CDH18: variants seen among roughly 807,000 people sequenced by gnomAD.
The protein encoded by CDH18 is cadherin 18.
In CDH18, 31 loss-of-function variants were observed where a neutral mutation model predicts 67.9. That is an observed-to-expected ratio of 0.46 (90% CI 0.34 to 0.62). The LOEUF (loss-of-function observed/expected upper bound fraction) is 0.62, where lower values mean the gene tolerates loss of function less well. CDH18 is among the 20% of genes least tolerant of loss of function. The pLI is 0.01. For missense variants in CDH18, 890 were observed against 975.5 expected (o/e 0.91, Z 1.17); for synonymous variants, 362 against 347.2 (o/e 1.04, Z -0.48).
chr5:19,913,567 G>GGTAT (rs1791399777), intron 2 of CDH18, among the ~76,000 whole-genome samples: 1 of 152,040 alleles, frequency 6.6e-6, no homozygotes, highest in South Asian at 2.1e-4. Context: ...TCAGAGAGTA[G>GGTAT]GTATGTGTTC....
chr5:20,017,418 G>A (rs1280440703), intron 2 of CDH18, among the ~76,000 whole-genome samples: 2 of 152,064 alleles, frequency 1.3e-5, no homozygotes, highest in Non-Finnish European at 2.9e-5. Context: ...CTGTCTATAT[G>A]AGTAGTATTG....
intron 11 of CDH18, among the ~76,000 whole-genome samples, chr5:19,493,061 T>C (rs1363901942): frequency 6.6e-6 from 1 of 152,176 alleles, no homozygotes; most frequent in Admixed American, 6.5e-5. Flanking sequence ...CTCTATGTTG[T>C]TTTAATCTAC....
At chr5:19,506,059 G>A (rs1744101800) in intron 10 of CDH18, among the ~76,000 whole-genome samples, 1 of 151,982 alleles carries the variant, frequency 6.6e-6, no homozygotes, top group Non-Finnish European at 1.5e-5. Context: ...GGGTGTATGT[G>A]TCAAGGAATT....
chr5:19,724,221 G>A (rs1766506260), intron 4 of CDH18, among the ~76,000 whole-genome samples: 1 of 152,082 alleles, frequency 6.6e-6, no homozygotes, highest in South Asian at 2.1e-4. Context: ...CAACTTGTAT[G>A]AATCTTCAGG....
At chr5:19,788,032 A>T (rs1311203312) in intron 3 of CDH18, among the ~76,000 whole-genome samples, 2 of 151,870 alleles carry the variant, frequency 1.3e-5, no homozygotes, top group Admixed American at 6.6e-5. Context: ...ACTTTGTTGG[A>T]TCTATAAAAA....
chr5:19,783,988 TTTTC>T (rs1775418603), intron 3 of CDH18, among the ~76,000 whole-genome samples: 1 of 152,168 alleles, frequency 6.6e-6, no homozygotes, highest in African/African-American at 2.4e-5. Context: ...GTAGATATTA[TTTTC>T]TTCATTTTAT....
At chr5:19,914,971 C>T (rs374962166) in intron 2 of CDH18, among the ~76,000 whole-genome samples, 2 of 151,952 alleles carry the variant, frequency 1.3e-5, no homozygotes, top group Non-Finnish European at 2.9e-5. Flanking sequence ...ATTTCCTCCC[C>T]GAAGGAAAGA....
intron 2 of CDH18, among the ~76,000 whole-genome samples, chr5:20,162,787 A>G (rs549387280): frequency 1.5e-4 from 23 of 152,076 alleles, no homozygotes; most frequent in African/African-American, 5.5e-4. Flanking sequence ...GGCTGGGCAC[A>G]GTGGCTCACA....
intron 1 of CDH18, among the ~76,000 whole-genome samples, chr5:20,557,324 G>A (rs1757959077): frequency 6.6e-6 from 1 of 151,860 alleles, no homozygotes; most frequent in Non-Finnish European, 1.5e-5. Flanking sequence ...AAATATGAAT[G>A]CAAATTTATA....
chr5:20,368,927 A>T (rs1457157433), intron 1 of CDH18, among the ~76,000 whole-genome samples: 3 of 152,190 alleles, frequency 2.0e-5, no homozygotes, highest in Non-Finnish European at 2.9e-5. Context: ...TGACTCTTTG[A>T]ATTTTCAGAA....
intron 1 of CDH18, among the ~76,000 whole-genome samples, chr5:20,561,957 TA>T (rs1758241811): frequency 6.6e-6 from 1 of 151,926 alleles, no homozygotes; most frequent in Non-Finnish European, 1.5e-5. Flanking sequence ...TATATGGTAT[TA>T]TGCTAAGAGC....
chr5:19,591,751 T>A (rs571307377), intron 6 of CDH18, among the ~76,000 whole-genome samples: 18 of 152,120 alleles, frequency 1.2e-4, no homozygotes, highest in African/African-American at 2.9e-4. Context: ...TATACAGTCA[T>A]GTCCGAGAAC....
chr5:20,456,247 T>C (rs960974071), intron 1 of CDH18, among the ~76,000 whole-genome samples: 1 of 152,122 alleles, frequency 6.6e-6, no homozygotes, highest in African/African-American at 2.4e-5. Flanking sequence ...TAGTTTTTAA[T>C]GAATGGAGAA....
rs35438564 is a variant in CDH18 at position 19,508,865 on chromosome 5, CTT to C, written c.1513-5758_1513-5757del. 4.4e-3 allele frequency among the ~76,000 whole-genome samples: 562 copies of C among 127,564 alleles called. 1 individual carries two copies. The highest frequency in any genetic ancestry group is 0.012 in the African/African-American group (405 of 33,598). The allele number at this position is 127,564 out of a possible 152,430, so 83.7% of individuals were successfully genotyped here. A position where few individuals can be genotyped will look rare whatever the true frequency, so the allele number is the denominator to read the frequency against. On this transcript the variant is annotated intron_variant, in intron 10 of 12. Transcript: ENST00000382275. Reference sequence around the variant, plus strand: ...AAAAAGGAAGTTCTTTCTTTCTTTTCTTTTTTTTTTTTTTTTTGTGGCAGAGA... The same window carrying C: ...AAAAAGGAAGTTCTTTCTTTCTTTTCTTTTTTTTTTTTTTTGTGGCAGAGA...
At chr5:19,510,932 C>G (rs1745013433) in intron 10 of CDH18, among the ~76,000 whole-genome samples, 1 of 152,020 alleles carries the variant, frequency 6.6e-6, no homozygotes, top group Admixed American at 6.6e-5. Flanking sequence ...CTGCCTCAGC[C>G]TCCCGAGTAG....
intron 1 of CDH18, among the ~76,000 whole-genome samples, chr5:20,379,326 T>G (rs760911634): frequency 6.6e-6 from 1 of 152,204 alleles, no homozygotes. Flanking sequence ...GAAGATATGT[T>G]GTAGAGCCAT....
chr5:19,617,797 G>A (rs1321868224), intron 5 of CDH18, among the ~76,000 whole-genome samples: 2 of 152,126 alleles, frequency 1.3e-5, no homozygotes, highest in Non-Finnish European at 2.9e-5. Context: ...CAATCACCTT[G>A]ATATGTAGGG....
chr5:20,339,610 C>T (rs79838558), intron 1 of CDH18, among the ~76,000 whole-genome samples: 3,490 of 152,062 alleles, frequency 0.023, 99 homozygotes, highest in East Asian at 0.077. Context: ...CCTAGAACCC[C>T]GTCAAACTTA....
At chr5:20,114,361 C>T (rs1279698925) in intron 2 of CDH18, among the ~76,000 whole-genome samples, 3 of 151,982 alleles carry the variant, frequency 2.0e-5, no homozygotes, top group African/African-American at 7.2e-5. Flanking sequence ...AAGACAAGTT[C>T]AGAATTCTGA....
Sources: allele counts gnomAD v4.1 joint callset (sites outside exome capture counted in the v4.1 genomes callset), GRCh38; gene constraint gnomAD v4.1.1; transcripts MANE v1.5; gene names NCBI Gene and HGNC (gene_info 2026-07-23, HGNC 2026-07-21).